The following NELL1 variants were observed in gnomAD, a reference collection of about 807,000 sequenced individuals.
NELL1 encodes the protein protein kinase C-binding protein NELL1.
NELL1 carries 76 observed loss-of-function variants against 107.4 expected under a neutral mutation model. The observed-to-expected ratio is 0.71, with a 90% CI of 0.59 to 0.86. NELL1 has a LOEUF of 0.86. Ranked by LOEUF, NELL1 falls within the 40% of genes least tolerant of loss-of-function variation. The pLI, the probability that NELL1 is intolerant of heterozygous loss-of-function variation, is 0.00. For missense variants in NELL1, 1,024 were observed against 1,005.5 expected (o/e 1.02, Z -0.25); for synonymous variants, 353 against 341.2 (o/e 1.03, Z -0.38).
At chr11:21,451,051 A>G (rs977312650) in intron 15 of NELL1, among the ~76,000 whole-genome samples, 5 of 151,734 alleles carry the variant, frequency 3.3e-5, no homozygotes, top group African/African-American at 4.8e-5. Flanking sequence ...GCCGGGTGTG[A>G]TGGTGGGCGC....
intron 12 of NELL1, among the ~76,000 whole-genome samples, chr11:20,963,834 T>C (rs1422123178): frequency 1.3e-5 from 2 of 152,106 alleles, no homozygotes; most frequent in African/African-American, 4.8e-5. Context: ...AAACAAAATA[T>C]TACACACATT....
intron 14 of NELL1, among the ~76,000 whole-genome samples, chr11:21,342,420 G>GC (rs1850589055): frequency 1.4e-5 from 2 of 147,290 alleles, no homozygotes; most frequent in African/African-American, 5.0e-5. Flanking sequence ...GTGGGGGGGG[G>GC]GGTCACTTGA....
At chr11:20,702,443 T>C (rs902762953) in intron 2 of NELL1, among the ~76,000 whole-genome samples, 4 of 152,300 alleles carry the variant, frequency 2.6e-5, no homozygotes, top group African/African-American at 4.8e-5. Context: ...TATACAATCA[T>C]GTCATCTGCA....
intron 10 of NELL1, among the ~76,000 whole-genome samples, chr11:20,944,708 T>A (rs564431627): frequency 6.6e-6 from 1 of 152,334 alleles, no homozygotes; most frequent in Non-Finnish European, 1.5e-5. Flanking sequence ...TGCCTAATTA[T>A]GTAGCTGGAT....
rs188907863 is a variant in NELL1 at position 21,138,326 on chromosome 11, A to G, written c.1426+24612A>G. Among the ~76,000 whole-genome samples the G allele has an allele frequency of 1.6e-3, 237 of 152,284 alleles. 1 individual carries two copies. The highest frequency in any genetic ancestry group is 2.8e-3 in the Non-Finnish European group (188 of 68,012). The stretch of plus-strand genomic sequence containing the variant: ...TTACCCACCTACTAGATATGATGAC[A>G]CTCATAATGATATATTTATTACCTC... On this transcript the variant is annotated intron_variant, in intron 13 of 19. Transcript: ENST00000357134.
chr11:20,860,153 A>G (rs1181065977), intron 4 of NELL1, among the ~76,000 whole-genome samples: 1 of 152,002 alleles, frequency 6.6e-6, no homozygotes, highest in East Asian at 1.9e-4. Flanking sequence ...TGTCAAGTTC[A>G]CTCTTATACA....
At chr11:21,510,262 T>G (rs911455450) in intron 15 of NELL1, among the ~76,000 whole-genome samples, 2 of 152,228 alleles carry the variant, frequency 1.3e-5, no homozygotes, top group Admixed American at 1.3e-4. Flanking sequence ...AGGCAGAGAA[T>G]AGTGGCTGTA....
chr11:21,169,068 T>G (rs952173771), intron 13 of NELL1, among the ~76,000 whole-genome samples: 4 of 151,900 alleles, frequency 2.6e-5, no homozygotes, highest in Non-Finnish European at 5.9e-5. Context: ...AACCCGGGAT[T>G]GCCTGAAGGA....
intron 13 of NELL1, among the ~76,000 whole-genome samples, chr11:21,128,147 G>T (rs956768643): frequency 2.0e-5 from 3 of 152,098 alleles, no homozygotes; most frequent in African/African-American, 4.8e-5. Flanking sequence ...AAAATAGGAG[G>T]TTAAAGAGCT....
chr11:20,917,493 C>T (rs1246923061), intron 5 of NELL1, among the ~76,000 whole-genome samples: 1 of 151,844 alleles, frequency 6.6e-6, no homozygotes, highest in Non-Finnish European at 1.5e-5. Context: ...CTACATCTTC[C>T]ATCTGTTCTG....
chr11:21,031,847 G>A (rs1852965228), intron 12 of NELL1, among the ~76,000 whole-genome samples: 1 of 151,980 alleles, frequency 6.6e-6, no homozygotes, highest in South Asian at 2.1e-4. Flanking sequence ...TCAGGAGTGC[G>A]AGATCAGCCA....
At chr11:21,241,872 T>A (rs1271130479) in intron 14 of NELL1, among the ~76,000 whole-genome samples, 1 of 151,790 alleles carries the variant, frequency 6.6e-6, no homozygotes, top group East Asian at 1.9e-4. Context: ...CACAGCCATC[T>A]TCTGGTTCGA....
chr11:21,271,199 T>C (rs1848732084), intron 14 of NELL1, among the ~76,000 whole-genome samples: 1 of 151,832 alleles, frequency 6.6e-6, no homozygotes, highest in South Asian at 2.1e-4. Context: ...TTAACAAAAA[T>C]AAAACCTAGT....
At chr11:21,106,442 C>A (rs1372477545) in intron 12 of NELL1, among the ~76,000 whole-genome samples, 2 of 152,146 alleles carry the variant, frequency 1.3e-5, no homozygotes, top group Admixed American at 1.3e-4. Flanking sequence ...TCTTATCACA[C>A]CTTCCTGGTA....
chr11:20,823,138 A>G (rs1857797112), intron 3 of NELL1, among the ~76,000 whole-genome samples: 2 of 151,536 alleles, frequency 1.3e-5, no homozygotes, highest in South Asian at 4.2e-4. Flanking sequence ...CAAAAGAAAG[A>G]AGTTTAATTG....
intron 2 of NELL1, among the ~76,000 whole-genome samples, chr11:20,754,992 A>G (rs988537764): frequency 7.9e-5 from 12 of 152,180 alleles, no homozygotes; most frequent in Non-Finnish European, 2.9e-5. Context: ...ATTCAATTCA[A>G]ATATTTCGCA....
At chr11:21,253,832 T>G (rs551109181) in intron 14 of NELL1, among the ~76,000 whole-genome samples, 2 of 152,214 alleles carry the variant, frequency 1.3e-5, no homozygotes, top group East Asian at 3.9e-4. Context: ...GATTATAATT[T>G]TGTGAGGGCT....
chr11:21,497,936 T>C (rs796600329), intron 15 of NELL1, among the ~76,000 whole-genome samples: 3 of 152,136 alleles, frequency 2.0e-5, no homozygotes, highest in African/African-American at 7.2e-5. Context: ...TTCCTAAATT[T>C]CAACTGGTCT....
At chr11:21,271,025 T>A (rs1165839560) in intron 14 of NELL1, among the ~76,000 whole-genome samples, 1 of 152,042 alleles carries the variant, frequency 6.6e-6, no homozygotes, top group Non-Finnish European at 1.5e-5. Flanking sequence ...GTGCTTAGCA[T>A]TGAATGCACA....
Sources: allele counts gnomAD v4.1 joint callset (sites outside exome capture counted in the v4.1 genomes callset), GRCh38; gene constraint gnomAD v4.1.1; transcripts MANE v1.5; gene names NCBI Gene and HGNC (gene_info 2026-07-23, HGNC 2026-07-21).